The following CAST variants were observed in gnomAD, a reference collection of about 807,000 sequenced individuals.
CAST encodes calpastatin, also known as MIR583 host.
A neutral mutation model predicts 119.6 loss-of-function variants in CAST; 76 were observed. That is an observed-to-expected ratio of 0.64 (90% CI 0.53 to 0.77). CAST has a LOEUF of 0.77. CAST is among the 30% of genes least tolerant of loss of function. CAST has a pLI of 0.00. For missense variants in CAST, 953 were observed against 946.5 expected (o/e 1.01, Z -0.09); for synonymous variants, 319 against 331.6 (o/e 0.96, Z 0.41).
At chr5:96,025,015 G>T in the CAST span, among the ~76,000 whole-genome samples, 1 of 152,234 alleles carries the variant, frequency 6.6e-6, no homozygotes, top group African/African-American at 2.4e-5. Context: ...GTCTCAGTAA[G>T]ATTTCTGATT....
the CAST span, among the ~76,000 whole-genome samples, chr5:96,329,966 T>C: frequency 6.6e-6 from 1 of 152,252 alleles, no homozygotes; most frequent in African/African-American, 2.4e-5. Context: ...AAGTTAAACA[T>C]TTCTGTCTTT....
intron 1 of CAST, among the ~76,000 whole-genome samples, chr5:96,586,625 A>G (rs1746866076): frequency 6.6e-6 from 1 of 151,674 alleles, no homozygotes; most frequent in Non-Finnish European, 1.5e-5. Context: ...TCTAGTAACC[A>G]TTTGGCAGAA....
At chr5:96,485,736 G>A in the CAST span, among the ~76,000 whole-genome samples, 6 of 152,104 alleles carry the variant, frequency 3.9e-5, no homozygotes, top group Non-Finnish European at 8.8e-5. Flanking sequence ...CTTGTTCTGG[G>A]GAGGAAGGGA....
chr5:96,556,647 G>A (rs1193410605), intron 1 of CAST, among the ~76,000 whole-genome samples: 1 of 152,082 alleles, frequency 6.6e-6, no homozygotes, highest in Non-Finnish European at 1.5e-5. Context: ...AGTGAGAAGA[G>A]AAGTTTAGAG....
At chr5:96,238,904 C>T in the CAST span, among the ~76,000 whole-genome samples, 1 of 152,068 alleles carries the variant, frequency 6.6e-6, no homozygotes, top group Non-Finnish European at 1.5e-5. Flanking sequence ...CCTTAATCAG[C>T]AAACTTATTT....
the CAST span, among the ~76,000 whole-genome samples, chr5:96,312,188 T>C: frequency 6.6e-6 from 1 of 152,258 alleles, no homozygotes; most frequent in South Asian, 2.1e-4. Flanking sequence ...ACAACAACCT[T>C]ACACTTTTAC....
chr5:96,115,802 T>C, the CAST span, among the ~76,000 whole-genome samples: 2 of 152,184 alleles, frequency 1.3e-5, no homozygotes, highest in South Asian at 4.1e-4. Flanking sequence ...TTTAATGGGT[T>C]CATTCTGAAA....
At chr5:96,174,598 G>A in the CAST span, among the ~76,000 whole-genome samples, 4 of 152,190 alleles carry the variant, frequency 2.6e-5, no homozygotes, top group South Asian at 4.1e-4. Flanking sequence ...GTTAGAATTA[G>A]TAGTTTAATA....
intron 4 of CAST, among the ~76,000 whole-genome samples, chr5:96,726,531 G>A (rs1264573778): frequency 6.6e-6 from 1 of 152,106 alleles, no homozygotes; most frequent in Admixed American, 6.5e-5. Context: ...ACAGGGAAAG[G>A]AAAGGAATGA....
At chr5:96,056,759 G>A in the CAST span, among the ~76,000 whole-genome samples, 2 of 152,098 alleles carry the variant, frequency 1.3e-5, no homozygotes. Context: ...TTGAAATTTA[G>A]TTCTTCTCTG....
the CAST span, chr5:96,110,834 A>C: frequency 6.6e-6 from 1 of 152,214 alleles, no homozygotes; most frequent in Non-Finnish European, 1.5e-5. Context: ...AATGTTTTCA[A>C]TTCTAAAAAA....
chr5:96,652,228 G>T (rs76961889), intron 1 of CAST, among the ~76,000 whole-genome samples: 6,299 of 152,232 alleles, frequency 0.041, 174 homozygotes, highest in Middle Eastern at 0.092. Flanking sequence ...CCAACCCTTA[G>T]GTATCTTCCA....
At chr5:96,744,601 T>C (rs1241786899) in intron 16 of CAST, among the ~76,000 whole-genome samples, 5 of 152,226 alleles carry the variant, frequency 3.3e-5, no homozygotes, top group Middle Eastern at 3.2e-3. Flanking sequence ...GTTTTCCTTT[T>C]TAATCATATA....
At chr5:96,642,198 T>C (rs924315926) in intron 1 of CAST, among the ~76,000 whole-genome samples, 1 of 152,240 alleles carries the variant, frequency 6.6e-6, no homozygotes, top group African/African-American at 2.4e-5. Context: ...CTACATTCTT[T>C]GATCCCTGTC....
At chr5:96,250,676 T>C in the CAST span, among the ~76,000 whole-genome samples, 2 of 151,964 alleles carry the variant, frequency 1.3e-5, no homozygotes, top group East Asian at 3.9e-4. Flanking sequence ...ACTAATAAGC[T>C]GAAAGGGCAG....
At chr5:96,257,206 T>C in the CAST span, among the ~76,000 whole-genome samples, 1 of 152,296 alleles carries the variant, frequency 6.6e-6, no homozygotes, top group South Asian at 2.1e-4. Context: ...TTAATTTGTA[T>C]CTTTATCTGA....
chr5:96,552,560 G>C (rs779176948), intron 1 of CAST, among the ~76,000 whole-genome samples: 1 of 151,934 alleles, frequency 6.6e-6, no homozygotes, highest in African/African-American at 2.4e-5. Flanking sequence ...ACAAGAAATA[G>C]CTAAGATCAG....
chr5:96,612,530 C>T (rs1353952912), intron 1 of CAST, among the ~76,000 whole-genome samples: 1 of 152,142 alleles, frequency 6.6e-6, no homozygotes, highest in Non-Finnish European at 1.5e-5. Flanking sequence ...CTCAGCATTT[C>T]ACAATATATC....
the CAST span, among the ~76,000 whole-genome samples, chr5:96,250,726 G>A: frequency 1.3e-5 from 2 of 152,054 alleles, no homozygotes; most frequent in South Asian, 4.1e-4. Flanking sequence ...GCATCAGGAT[G>A]TCCTCTTTAA....
Sources: allele counts gnomAD v4.1 joint callset (sites outside exome capture counted in the v4.1 genomes callset), GRCh38; gene constraint gnomAD v4.1.1; transcripts MANE v1.5; gene names NCBI Gene and HGNC (gene_info 2026-07-23, HGNC 2026-07-21).